The following CPLANE1 variants were observed in gnomAD, a reference collection of about 807,000 sequenced individuals.
The protein encoded by CPLANE1 is ciliogenesis and planar polarity effector complex subunit 1, also known as ciliogenesis and planar polarity effector 1.
CPLANE1 carries 263 observed loss-of-function variants against 362.5 expected under a neutral mutation model. The observed-to-expected ratio is 0.73, with a 90% CI of 0.66 to 0.80. The LOEUF is 0.80. CPLANE1 is among the 30% of genes least tolerant of loss of function. The probability of loss-of-function intolerance (pLI) is 0.00; values close to 1 mark genes in which losing one functional copy is unlikely to be tolerated. For missense variants in CPLANE1, 3,461 were observed against 3,793.4 expected, an observed-to-expected ratio of 0.91 and a Z score of 2.30; for synonymous variants, 1,212 against 1,302.6, an observed-to-expected ratio of 0.93 and a Z score of 1.50.
rs773750881 is a variant in CPLANE1, at chr5:37,169,417, G to C, written c.6607C>G (p.Pro2203Ala). The C allele has an allele frequency of 2.4e-5, 39 of 1,614,064 alleles. No individual in the cohort carries two copies. Among genetic ancestry groups the C allele is most frequent in the Non-Finnish European group, 3.0e-5 (35 of 1,180,040 alleles). Residue 2203 changes from proline (P) to alanine (A), a missense_variant, in exon 34 of 53, where the codon CCT (proline) becomes GCT (alanine). Transcript: ENST00000651892. ...GNTHLYLLST[P>A]SVVQKAPRLI... is the part of the protein sequence containing the mutation. ...CTAGGTGCCTTCTGAACAACAGAAG[G>C]TGTGGACAAAAGGTAGAGGTGAGTA... is the stretch of plus-strand genomic sequence containing the variant.
At chr5:37,080,051 C>CT in the CPLANE1 span, among the ~76,000 whole-genome samples, 1 of 152,142 alleles carries the variant, frequency 6.6e-6, no homozygotes, top group Admixed American at 6.5e-5. Flanking sequence ...TGAAGATGAG[C>CT]GGATATTCAA....
chr5:37,158,790 ATT>A (rs11347966), intron 38 of CPLANE1, among the ~76,000 whole-genome samples: 51 of 138,760 alleles, frequency 3.7e-4, no homozygotes, highest in Admixed American at 5.0e-4. Context: ...CATAATTCAC[ATT>A]TTTTTTTTTT....
intron 47 of CPLANE1, among the ~76,000 whole-genome samples, chr5:37,123,531 T>C (rs895530556): frequency 2.0e-5 from 3 of 152,248 alleles, no homozygotes; most frequent in Non-Finnish European, 2.9e-5. Context: ...ACCAAGCAGT[T>C]CTTAAACCCT....
In CPLANE1 at chr5:37,183,092, G is replaced by A. The variant is rs1783112303; in HGVS notation, c.5089C>T (p.Leu1697=). Residue 1697 remains leucine, a synonymous_variant, in exon 26 of 53, where the codon CTA becomes TTA. Coordinates refer to ENST00000651892, the MANE Select transcript of CPLANE1 (RefSeq NM_001384732.1). ...ATGTGGTTTGATGATCTCTGGATTA[G>A]ACATTTCTCTCTAGTGTCATCTTGT... ...KIQDDTREKC[L]IQRSSNHIFW... is the part of the protein sequence containing the mutation. The A allele has an allele frequency of 6.2e-7, 1 of 1,613,300 alleles. No homozygotes were observed. Among genetic ancestry groups the A allele is most frequent in the Admixed American group, 1.7e-5 (1 of 60,018 alleles).
chr5:37,245,918 C>A, intron 2 of CPLANE1, 73 bp from the exon 3 acceptor site: 1 of 1,347,612 alleles, frequency 7.4e-7, no homozygotes, highest in Non-Finnish European at 9.8e-7. Context: ...AATAAATTAT[C>A]CCAGAAATCA....
chr5:37,162,068 C>T (rs1030730581), intron 38 of CPLANE1, among the ~76,000 whole-genome samples: 11 of 152,218 alleles, frequency 7.2e-5, no homozygotes, highest in Non-Finnish European at 1.5e-4. Flanking sequence ...CTTATTTCCT[C>T]TGCTCCTGGA....
At chr5:37,156,558 T>A (rs1434381873) in intron 41 of CPLANE1, among the ~76,000 whole-genome samples, 1 of 152,076 alleles carries the variant, frequency 6.6e-6, no homozygotes, top group Non-Finnish European at 1.5e-5. Context: ...TGAACTATGA[T>A]CACACCACTG....
chr5:37,162,634 C>T, intron 37 of CPLANE1, 68 bp from the exon 38 acceptor site: 3 of 1,071,280 alleles, frequency 2.8e-6, no homozygotes, highest in Non-Finnish European at 4.2e-6. Context: ...CCCAGCAGCA[C>T]AGTACCTAAC....
intron 20 of CPLANE1, among the ~76,000 whole-genome samples, chr5:37,196,607 C>A (rs369746659): frequency 7.9e-5 from 12 of 152,140 alleles, no homozygotes; most frequent in South Asian, 4.1e-4. Context: ...GAGAAGTGCA[C>A]AATACTTATG....
chr5:37,135,462 G>C (rs1269781274), intron 46 of CPLANE1, among the ~76,000 whole-genome samples: 1 of 152,114 alleles, frequency 6.6e-6, no homozygotes, highest in Non-Finnish European at 1.5e-5. Context: ...TCGCGGAAGG[G>C]GAAGCAAACA....
chr5:37,160,309 C>T (rs913342312), intron 38 of CPLANE1, among the ~76,000 whole-genome samples: 1 of 152,128 alleles, frequency 6.6e-6, no homozygotes, highest in Non-Finnish European at 1.5e-5. Context: ...AATCCCAGCA[C>T]TTTGGGAGGC....
intron 44 of CPLANE1, chr5:37,139,895 T>C: frequency 1.0e-6 from 1 of 985,512 alleles, no homozygotes; most frequent in Non-Finnish European, 1.2e-6. Context: ...CAGTGTAATA[T>C]GTCAGAAGGC....
At position 37,209,283 on chromosome 5, in the gene CPLANE1, T is replaced by A. The variant is rs1461720549; in HGVS notation, c.2921-2858A>T. 3 of 736,364 alleles carry A rather than the reference T, an allele frequency of 4.1e-6. No homozygotes were observed. In the African/African-American group the frequency reaches 5.1e-5, roughly 13 times the overall value. The allele number at this position is 736,364 out of a possible 1,614,324, so 45.6% of individuals were successfully genotyped here. On this transcript the variant is annotated intron_variant, in intron 16 of 52. Coordinates refer to ENST00000651892, the MANE Select transcript of CPLANE1 (RefSeq NM_001384732.1). The surrounding 1 kb of genome is among the most constrained non-coding windows in gnomAD (Gnocchi z 4.6). Reference sequence around the variant, plus strand: ...GGAGGGCAGGGATTCCCCCTCGTCTTGGCCCTACAGCCCCAGCTGGGCACT... The same window carrying A: ...GGAGGGCAGGGATTCCCCCTCGTCTAGGCCCTACAGCCCCAGCTGGGCACT...
rs769286652 is a variant in CPLANE1 at position 37,142,289 on chromosome 5, T to C, written c.8632+21A>G. On this transcript the variant is annotated intron_variant, in intron 44 of 52. Transcript: ENST00000651892. ...AATGGAGAATAAGAGTATGTGTAAATGAAAAAGTAAAGAACAATACCAGGA... is the reference window on the plus strand; with the variant it reads ...AATGGAGAATAAGAGTATGTGTAAACGAAAAAGTAAAGAACAATACCAGGA... 4 of 1,508,688 alleles carry C rather than the reference T, an allele frequency of 2.7e-6. No homozygotes were observed. The African/African-American group carries it at 5.7e-5, about 22-fold the overall frequency. 93.5% of individuals were successfully genotyped at this position (1,508,688 alleles called of 1,614,324 possible).
chr5:37,154,766 T>C (rs1038882068), intron 41 of CPLANE1, among the ~76,000 whole-genome samples: 9 of 152,278 alleles, frequency 5.9e-5, no homozygotes, highest in African/African-American at 2.2e-4. Context: ...CTCTGAGTTA[T>C]GTCATTGATG....
chr5:37,161,498 G>A (rs548363534), intron 38 of CPLANE1, among the ~76,000 whole-genome samples: 78 of 152,046 alleles, frequency 5.1e-4, no homozygotes, highest in Non-Finnish European at 9.4e-4. Context: ...ATGAATTGCC[G>A]TCAACATTGT....
intron 18 of CPLANE1, among the ~76,000 whole-genome samples, chr5:37,203,832 T>G (rs996442194): frequency 2.6e-5 from 4 of 152,184 alleles, no homozygotes; most frequent in African/African-American, 9.7e-5. Flanking sequence ...GTACACATTT[T>G]TGTGTACATG....
intron 45 of CPLANE1, 32 bp downstream of exon 45, chr5:37,139,308 G>A (rs1468130861): frequency 1.5e-6 from 2 of 1,374,706 alleles, no homozygotes; most frequent in East Asian, 5.1e-5. Flanking sequence ...CAACTTTAAA[G>A]AAAATTGTGA....
intron 43 of CPLANE1, among the ~76,000 whole-genome samples, chr5:37,147,971 C>CAAAAAAAAAAAA (rs11284644): frequency 3.3e-4 from 5 of 15,312 alleles, no homozygotes; most frequent in African/African-American, 5.3e-4. Context: ...ACTGCCTTCT[C>CAAAAAAAAAAAA]AAAAAAAAAA....
Sources: allele counts gnomAD v4.1 joint callset (sites outside exome capture counted in the v4.1 genomes callset), GRCh38; gene constraint gnomAD v4.1.1; non-coding constraint Gnocchi (gnomAD v3.1); transcripts MANE v1.5; gene names NCBI Gene and HGNC (gene_info 2026-07-23, HGNC 2026-07-21).